Variants in SAMD3 observed in about 807,000 individuals in gnomAD.
The protein encoded by SAMD3 is sterile alpha motif domain-containing protein 3.
Under a neutral mutation model 58.5 loss-of-function variants are expected in SAMD3, and 63 were observed. That is an observed-to-expected ratio of 1.08 (90% CI 0.88 to 1.33). The LOEUF (loss-of-function observed/expected upper bound fraction) is 1.33. Among genes scored for constraint, SAMD3 ranks in the 40% most tolerant of loss-of-function variants. SAMD3 has a pLI of 0.00. For missense variants in SAMD3, 604 were observed against 608.4 expected, an observed-to-expected ratio of 0.99 and a Z score of 0.08; for synonymous variants, 220 against 210.3, an observed-to-expected ratio of 1.05 and a Z score of -0.40.
At chr6:130,231,522 C>G (rs61741180) in intron 2 of SAMD3, among the ~76,000 whole-genome samples, 21,594 of 152,020 alleles carry the variant, frequency 0.14, 1,712 homozygotes, top group East Asian at 0.36. Flanking sequence ...CAAGATCACG[C>G]CATTGCACTC....
chr6:130,189,014 A>ATT (rs1215164833), intron 5 of SAMD3, among the ~76,000 whole-genome samples: 2 of 151,686 alleles, frequency 1.3e-5, no homozygotes, highest in African/African-American at 4.8e-5. Context: ...TCTGTTCTCC[A>ATT]TGCTCCATCT....
rs574092706 is a variant in SAMD3, at chr6:130,297,797, G to A, written c.-188+15181C>T. ...GAAGAAAGCATTTCAGAGCTTGAAC[G>A]CTGGTCTTTTGAATTCACCCAGTCA... On this transcript the variant is annotated intron_variant, in intron 2 of 13. Transcript: ENST00000368134. 6.6e-5 allele frequency among the ~76,000 whole-genome samples: 10 copies of A among 152,258 alleles called. No individual in the cohort carries two copies. In the South Asian group the frequency reaches 1.7e-3, roughly 25 times the overall value.
At chr6:130,337,726 G>A (rs936008848) in intron 1 of SAMD3, among the ~76,000 whole-genome samples, 4 of 152,212 alleles carry the variant, frequency 2.6e-5, no homozygotes, top group Non-Finnish European at 5.9e-5. Flanking sequence ...GGGAACTGGA[G>A]CAAAGGTTAC....
intron 5 of SAMD3, among the ~76,000 whole-genome samples, chr6:130,200,558 A>AC (rs1794562882): frequency 7.2e-5 from 1 of 13,936 alleles, no homozygotes; most frequent in Non-Finnish European, 1.6e-4. Flanking sequence ...CCCGACCCAC[A>AC]AAAAAAAAAA....
intron 6 of SAMD3, 89 bp downstream of exon 6, chr6:130,184,349 A>G: frequency 2.3e-6 from 3 of 1,330,634 alleles, no homozygotes; most frequent in East Asian, 2.3e-5. Flanking sequence ...ATCATCCACA[A>G]TCTGAAGAGA....
intron 2 of SAMD3, among the ~76,000 whole-genome samples, chr6:130,265,724 C>G (rs1774320516): frequency 6.6e-6 from 1 of 151,916 alleles, no homozygotes; most frequent in Non-Finnish European, 1.5e-5. Context: ...GAACTGAAGA[C>G]TGGTGGGGGC....
intron 2 of SAMD3, among the ~76,000 whole-genome samples, chr6:130,228,007 G>A (rs1057371152): frequency 2.6e-5 from 4 of 152,026 alleles, no homozygotes; most frequent in Non-Finnish European, 5.9e-5. Context: ...GAAAAATCAG[G>A]TCCAGCAAAG....
rs147443251 is a variant in SAMD3 at position 130,299,501 on chromosome 6, G to A, written c.-188+13477C>T. ...AGAAAAGTTTATAGCACTAAATGCCGACATCACAAAGAGATCTCAAATTAA... is the reference window on the plus strand; with the variant it reads ...AGAAAAGTTTATAGCACTAAATGCCAACATCACAAAGAGATCTCAAATTAA... On this transcript the variant is annotated intron_variant, in intron 2 of 13. Transcript: ENST00000368134. 7.2e-5 allele frequency among the ~76,000 whole-genome samples: 11 copies of A among 151,952 alleles called. No homozygotes were observed. In the East Asian group the frequency reaches 1.5e-3, roughly 21 times the overall value.
intron 5 of SAMD3, among the ~76,000 whole-genome samples, chr6:130,200,021 C>G (rs1286888932): frequency 3.9e-5 from 6 of 152,052 alleles, no homozygotes; most frequent in Admixed American, 6.6e-5. Flanking sequence ...AGATGTCTCT[C>G]AAACCCTCTA....
intron 1 of SAMD3, among the ~76,000 whole-genome samples, chr6:130,340,222 A>G (rs920572045): frequency 6.6e-6 from 1 of 152,222 alleles, no homozygotes; most frequent in Non-Finnish European, 1.5e-5. Context: ...AAAGTCCACA[A>G]TGAGTCTTAC....
intron 1 of SAMD3, among the ~76,000 whole-genome samples, chr6:130,355,191 A>T (rs1470861271): frequency 6.6e-6 from 1 of 152,208 alleles, no homozygotes; most frequent in African/African-American, 2.4e-5. Flanking sequence ...TGGGAGGCCA[A>T]GGCAGGTGGA....
intron 5 of SAMD3, 115 bp from the exon 6 acceptor site, chr6:130,184,738 T>A: frequency 1.3e-6 from 1 of 768,384 alleles, no homozygotes; most frequent in South Asian, 2.0e-5. Context: ...CCCAAATATA[T>A]GGAAGTCATC....
At chr6:130,236,250 G>A (rs963701749) in intron 2 of SAMD3, among the ~76,000 whole-genome samples, 52 of 152,254 alleles carry the variant, frequency 3.4e-4, no homozygotes, top group African/African-American at 1.2e-3. Flanking sequence ...ACACATGTGT[G>A]TTAATCTCTG....
intron 1 of SAMD3, among the ~76,000 whole-genome samples, chr6:130,327,216 T>A (rs556276534): frequency 5.9e-5 from 9 of 152,282 alleles, no homozygotes; most frequent in African/African-American, 2.2e-4. Context: ...AAAATAAGCA[T>A]TGGCATGTGC....
chr6:130,221,303 A>G (rs983648429), intron 1 of SAMD3, among the ~76,000 whole-genome samples: 3 of 152,216 alleles, frequency 2.0e-5, no homozygotes, highest in Admixed American at 6.5e-5. Context: ...ATAATCTAAG[A>G]TTACATAATA....
intron 1 of SAMD3, among the ~76,000 whole-genome samples, chr6:130,316,388 T>C (rs1490600804): frequency 6.7e-6 from 1 of 148,876 alleles, no homozygotes; most frequent in African/African-American, 2.5e-5. Flanking sequence ...AGAAAGGGAA[T>C]AGAAAACTTG....
At chr6:130,321,484 A>G (rs1583102611) in intron 1 of SAMD3, among the ~76,000 whole-genome samples, 1 of 152,316 alleles carries the variant, frequency 6.6e-6, no homozygotes, top group East Asian at 1.9e-4. Flanking sequence ...AATGTTTGTT[A>G]TTTTAAGCTG....
At chr6:130,223,752 G>T (rs1796303686), upstream of SAMD3, among the ~76,000 whole-genome samples, 1 of 152,188 alleles carries the variant, frequency 6.6e-6, no homozygotes, top group Admixed American at 6.5e-5. Context: ...ATGCAGACGG[G>T]CAGGTCATGG....
At chr6:130,301,710 G>A (rs1179339706) in intron 2 of SAMD3, among the ~76,000 whole-genome samples, 1 of 152,038 alleles carries the variant, frequency 6.6e-6, no homozygotes. Flanking sequence ...AACCAAAACA[G>A]CATTGTAATA....
Sources: gnomAD v4.1 joint callset for allele counts (sites outside exome capture counted in the v4.1 genomes callset) on GRCh38, gnomAD v4.1.1 for gene constraint, MANE v1.5 for transcripts, NCBI Gene and HGNC (gene_info 2026-07-23, HGNC 2026-07-21) for gene names.